Variants in PIWIL2 observed in about 807,000 individuals in gnomAD.
The protein encoded by PIWIL2 is piwi like RNA-mediated gene silencing 2, also known as piwi-like protein 2.
Under a neutral mutation model 116.5 loss-of-function variants are expected in PIWIL2, and 81 were observed. The observed-to-expected ratio is 0.70, with a 90% CI of 0.58 to 0.84. The LOEUF is 0.84. PIWIL2 is among the 40% of genes least tolerant of loss of function. The pLI is 0.00. For missense variants in PIWIL2, 1,272 were observed against 1,212.3 expected, an observed-to-expected ratio of 1.05 and a Z score of -0.73; for synonymous variants, 489 against 429.5, an observed-to-expected ratio of 1.14 and a Z score of -1.71.
At chr8:22,288,758 A>G (rs1830689707) in intron 8 of PIWIL2, 92 bp downstream of exon 8, 4 of 1,142,540 alleles carry the variant, frequency 3.5e-6, no homozygotes, top group Non-Finnish European at 5.0e-6. Context: ...AATACGTGAC[A>G]GTATATTCTA....
intron 4 of PIWIL2, 47 bp downstream of exon 4, chr8:22,281,562 A>G (rs749272811): frequency 2.0e-6 from 3 of 1,473,362 alleles, no homozygotes; most frequent in Non-Finnish European, 2.7e-6. Context: ...CAGATGGAAT[A>G]TCTCTGTAAG....
intron 16 of PIWIL2, among the ~76,000 whole-genome samples, chr8:22,312,841 C>T (rs1457569346): frequency 2.0e-5 from 3 of 150,664 alleles, no homozygotes; most frequent in African/African-American, 7.3e-5. Flanking sequence ...GGGTCTCCTT[C>T]TGTTGCCCAG....
chr8:22,295,501 C>G (rs1362124972), intron 10 of PIWIL2, among the ~76,000 whole-genome samples: 1 of 152,134 alleles, frequency 6.6e-6, no homozygotes, highest in Non-Finnish European at 1.5e-5. Context: ...TGATCTAGAT[C>G]TAGCTTTGAG....
At chr8:22,331,688 A>AT (rs1831865489) in intron 20 of PIWIL2, among the ~76,000 whole-genome samples, 1 of 152,078 alleles carries the variant, frequency 6.6e-6, no homozygotes, top group Non-Finnish European at 1.5e-5. Flanking sequence ...CACAACAGAA[A>AT]TTTATTTCCT....
rs71544871 is a variant in PIWIL2 at position 22,294,336 on chromosome 8, T to TAA, written c.1181+4011_1181+4012dup. On this transcript the variant is annotated intron_variant, in intron 10 of 22. Transcript: ENST00000356766. The stretch of plus-strand genomic sequence containing the variant: ...CTGGGTGACGGAGTGAGACTGTCTT[T>TAA]AAAAAAAAAAAAAAAAAAAAAAGGT... Among the ~76,000 whole-genome samples the TAA allele has an allele frequency of 8.7e-3, 701 of 80,638 alleles. 9 individuals are homozygous for TAA. Among genetic ancestry groups the TAA allele is most frequent in the Middle Eastern group, 0.017 (1 of 60 alleles). The allele number at this position is 80,638 out of a possible 152,430, so 52.9% of individuals were successfully genotyped here.
chr8:22,311,028 AT>A (rs1371656624), intron 15 of PIWIL2, 83 bp from the exon 16 acceptor site: 12 of 1,186,536 alleles, frequency 1.0e-5, no homozygotes, highest in Middle Eastern at 2.7e-4. Context: ...GTGAAAAGTA[AT>A]TTATTCTCTA....
intron 19 of PIWIL2, among the ~76,000 whole-genome samples, chr8:22,317,953 G>T (rs943046785): frequency 1.3e-5 from 2 of 151,740 alleles, no homozygotes; most frequent in African/African-American, 4.8e-5. Context: ...GAGCCACCGC[G>T]CTCTGCCACA....
chr8:22,316,449 A>G (rs1303221784), intron 19 of PIWIL2, 116 bp downstream of exon 19: 1 of 615,896 alleles, frequency 1.6e-6, no homozygotes, highest in Non-Finnish European at 2.8e-6. Flanking sequence ...ATTTCTAAAC[A>G]TTTTCTTCCT....
At chr8:22,306,133 T>G in intron 13 of PIWIL2, 117 bp downstream of exon 13, 2 of 701,078 alleles carry the variant, frequency 2.9e-6, no homozygotes, top group Non-Finnish European at 5.1e-6. Context: ...CATTGTAACC[T>G]GGGCCTGTCC....
chr8:22,307,472 CA>C (rs1831210987), intron 13 of PIWIL2, among the ~76,000 whole-genome samples: 2 of 73,016 alleles, frequency 2.7e-5, no homozygotes, highest in African/African-American at 4.8e-5. Context: ...TTTTATTATT[CA>C]TTTTTTTTTT....
intron 10 of PIWIL2, among the ~76,000 whole-genome samples, chr8:22,299,637 T>A (rs1340884620): frequency 6.6e-6 from 1 of 152,244 alleles, no homozygotes; most frequent in Non-Finnish European, 1.5e-5. Context: ...AAAGGTACAA[T>A]TGACATCCGT....
intron 20 of PIWIL2, among the ~76,000 whole-genome samples, chr8:22,338,092 CAA>C (rs971328900): frequency 7.9e-6 from 1 of 126,860 alleles, no homozygotes; most frequent in Non-Finnish European, 1.7e-5. Context: ...GACTCCATCT[CAA>C]AAAAAAAAAG....
intron 19 of PIWIL2, among the ~76,000 whole-genome samples, chr8:22,317,874 G>C (rs1024559461): frequency 1.3e-4 from 20 of 151,968 alleles, no homozygotes; most frequent in Non-Finnish European, 2.9e-4. Context: ...TGTTAGCCAG[G>C]ATGGTCTCGA....
rs1333600052 is a variant in PIWIL2, at chr8:22,311,119, T to C, written c.1808T>C (p.Met603Thr). 3.7e-6 allele frequency: 6 copies of C among 1,609,524 alleles called. No homozygotes were observed. Among genetic ancestry groups the C allele is most frequent in the South Asian group, 1.1e-5 (1 of 90,194 alleles). Reference sequence around the variant, plus strand: ...GCTCTTGGTTGTTCCTAGATCCCCATGCATTTCTGGGCACTTTTTTACCCA... The same window carrying C: ...GCTCTTGGTTGTTCCTAGATCCCCACGCATTTCTGGGCACTTTTTTACCCA... ...TRDPSILTIP[M>T]HFWALFYPKR... The change falls in exon 16 of 23, where the codon ATG (methionine) becomes ACG (threonine). Residue 603 changes from methionine to threonine, a missense_variant. By Grantham distance (81) the Met-to-Thr change is moderately conservative (BLOSUM62 -1). Transcript: ENST00000356766.
intron 19 of PIWIL2, 48 bp from the exon 20 acceptor site, chr8:22,318,122 C>A: frequency 8.4e-7 from 1 of 1,188,528 alleles, no homozygotes; most frequent in Non-Finnish European, 1.3e-6. Context: ...CCCCTTCGAG[C>A]ATTTGTTCAT....
intron 20 of PIWIL2, among the ~76,000 whole-genome samples, chr8:22,335,911 A>T (rs1480036973): frequency 6.6e-6 from 1 of 152,210 alleles, no homozygotes; most frequent in Non-Finnish European, 1.5e-5. Flanking sequence ...AAGGAGTGAC[A>T]TATTACAATA....
rs34573190 is a variant in PIWIL2, at chr8:22,290,613, A to ATTT, written c.1181+286_1181+288dup. ...TGCTACCATGCCCAGCCAATTTTTA[A>ATTT]TTTTTTTTTTTTTTTTTTTTTGTAG... On this transcript the variant is annotated intron_variant, in intron 10 of 22. Coordinates refer to ENST00000356766, the MANE Select transcript of PIWIL2 (RefSeq NM_018068.5). Among the ~76,000 whole-genome samples the ATTT allele has an allele frequency of 1.2e-3, 132 of 114,080 alleles. 1 individual carries two copies. The highest frequency in any genetic ancestry group is 4.8e-3 in the Middle Eastern group (1 of 208). The allele number at this position is 114,080 out of a possible 152,430, so 74.8% of individuals were successfully genotyped here.
At chr8:22,308,109 C>G (rs937735042) in intron 14 of PIWIL2, 36 bp downstream of exon 14, 28 of 1,550,312 alleles carry the variant, frequency 1.8e-5, no homozygotes, top group Non-Finnish European at 2.1e-5. Flanking sequence ...TGCACATGTA[C>G]AGAGACACGT....
chr8:22,307,028 A>T (rs564283037), intron 13 of PIWIL2, among the ~76,000 whole-genome samples: 19 of 152,376 alleles, frequency 1.2e-4, no homozygotes, highest in African/African-American at 4.6e-4. Context: ...GTCAAACACC[A>T]TGACAAGTTC....
Sources: gnomAD v4.1 joint callset for allele counts (sites outside exome capture counted in the v4.1 genomes callset) on GRCh38, gnomAD v4.1.1 for gene constraint, MANE v1.5 for transcripts, NCBI Gene and HGNC (gene_info 2026-07-23, HGNC 2026-07-21) for gene names.